The following PLCB4 variants were observed in gnomAD, a reference collection of about 807,000 sequenced individuals.
PLCB4 encodes the protein phospholipase C beta 4.
In PLCB4, 77 loss-of-function variants were observed where a neutral mutation model predicts 178.8. The ratio of observed to expected loss-of-function variants is 0.43; its 90% CI spans 0.36 to 0.52. The LOEUF (loss-of-function observed/expected upper bound fraction) is 0.52. Ranked by LOEUF, PLCB4 falls within the 20% of genes least tolerant of loss-of-function variation. The probability of loss-of-function intolerance (pLI) is 0.00; values close to 1 mark genes in which losing one functional copy is unlikely to be tolerated. For synonymous variants in PLCB4, 496 were observed against 490.8 expected (o/e 1.01, Z -0.14); for missense variants, 1,024 against 1,453.4 (o/e 0.70, Z 4.80).
chr20:9,348,375 C>T (rs576885366), intron 7 of PLCB4, among the ~76,000 whole-genome samples: 2 of 152,280 alleles, frequency 1.3e-5, no homozygotes, highest in Admixed American at 6.5e-5. Flanking sequence ...GATTCTGATT[C>T]TGATTAACTG....
intron 4 of PLCB4, among the ~76,000 whole-genome samples, chr20:9,328,058 T>C (rs973056833): frequency 1.3e-5 from 2 of 152,152 alleles, no homozygotes; most frequent in African/African-American, 4.8e-5. Flanking sequence ...GAAGCTGTAA[T>C]GTGAAATATG....
intron 2 of PLCB4, among the ~76,000 whole-genome samples, chr20:9,208,135 A>G (rs374250226): frequency 7.9e-5 from 12 of 152,198 alleles, no homozygotes; most frequent in Non-Finnish European, 1.8e-4. Flanking sequence ...ATACTGTGGA[A>G]GCACAGATGG....
intron 3 of PLCB4, among the ~76,000 whole-genome samples, chr20:9,260,014 G>A (rs955618772): frequency 6.6e-6 from 1 of 152,018 alleles, no homozygotes; most frequent in Non-Finnish European, 1.5e-5. Context: ...TAGAGATTTG[G>A]AGGTACATTT....
At chr20:9,349,994 T>C (rs1482713849) in intron 7 of PLCB4, among the ~76,000 whole-genome samples, 4 of 152,186 alleles carry the variant, frequency 2.6e-5, no homozygotes, top group African/African-American at 9.6e-5. Flanking sequence ...GAGACTTTGT[T>C]GCCTCCAAGC....
chr20:9,476,758 G>C lies in PLCB4; in HGVS notation c.3532+5G>C. On this transcript the variant is annotated splice_donor_5th_base_variant and intron_variant, in intron 39 of 39. Coordinates refer to ENST00000378473, the MANE Select transcript of PLCB4 (RefSeq NM_001377142.1). ...ATGCAGTGTCCCAAACGCAAGGTAGGACCGAAACTCTGATAAGCAAGACGT... is the reference window on the plus strand; with the variant it reads ...ATGCAGTGTCCCAAACGCAAGGTAGCACCGAAACTCTGATAAGCAAGACGT... 6.2e-7 allele frequency: 1 copy of C among 1,602,946 alleles called. No individual in the cohort carries two copies. Among genetic ancestry groups the C allele is most frequent in the African/African-American group, 1.3e-5 (1 of 74,804 alleles).
chr20:9,341,998 A>T (rs192346536), intron 7 of PLCB4, among the ~76,000 whole-genome samples: 16 of 152,292 alleles, frequency 1.1e-4, no homozygotes, highest in Admixed American at 1.0e-3. Context: ...CTCATTGTCC[A>T]AACTGGACAG....
chr20:9,449,209 G>A (rs2042598835), intron 32 of PLCB4, among the ~76,000 whole-genome samples: 1 of 152,102 alleles, frequency 6.6e-6, no homozygotes, highest in African/African-American at 2.4e-5. Flanking sequence ...ATGACTCATT[G>A]GGATCCAGAG....
chr20:9,158,251 A>G (rs1032352481), intron 2 of PLCB4, among the ~76,000 whole-genome samples: 2 of 151,758 alleles, frequency 1.3e-5, no homozygotes, highest in Admixed American at 6.6e-5. Context: ...TTTTACTTCT[A>G]TTATTATTTA....
intron 7 of PLCB4, among the ~76,000 whole-genome samples, chr20:9,361,053 A>C (rs1280454428): frequency 6.6e-6 from 1 of 152,234 alleles, no homozygotes; most frequent in East Asian, 1.9e-4. Context: ...CCCTTGTTGC[A>C]TTTGCAGTCC....
intron 2 of PLCB4, among the ~76,000 whole-genome samples, chr20:9,154,416 T>C (rs543702798): frequency 1.5e-3 from 226 of 152,274 alleles, no homozygotes; most frequent in African/African-American, 5.3e-3. Flanking sequence ...ACATTTGGGA[T>C]TGGAATACTA....
chr20:9,204,051 T>A (rs2093585552), intron 2 of PLCB4, among the ~76,000 whole-genome samples: 1 of 151,948 alleles, frequency 6.6e-6, no homozygotes, highest in South Asian at 2.1e-4. Context: ...GTTGCGTGGC[T>A]CTGAACAGGA....
chr20:9,404,652 C>G (rs1197197567), intron 20 of PLCB4, among the ~76,000 whole-genome samples: 1 of 150,652 alleles, frequency 6.6e-6, no homozygotes, highest in East Asian at 1.9e-4. Flanking sequence ...TCAATATTGT[C>G]TTAGTGTCTT....
At chr20:9,237,748 AAC>A (rs1483265361) in intron 3 of PLCB4, among the ~76,000 whole-genome samples, 3 of 152,232 alleles carry the variant, frequency 2.0e-5, no homozygotes, top group Non-Finnish European at 4.4e-5. Context: ...TGCTGAACTA[AAC>A]ACAGTTAGAC....
chr20:9,185,766 G>T (rs528339137), intron 2 of PLCB4, among the ~76,000 whole-genome samples: 2 of 152,178 alleles, frequency 1.3e-5, no homozygotes, highest in East Asian at 3.9e-4. Context: ...TGGCTTCCTC[G>T]CTGCTCTGCT....
intron 3 of PLCB4, among the ~76,000 whole-genome samples, chr20:9,260,479 C>T (rs935760621): frequency 1.3e-5 from 2 of 151,938 alleles, no homozygotes; most frequent in Non-Finnish European, 2.9e-5. Context: ...GAAATGTATT[C>T]TGTATGTTTT....
intron 2 of PLCB4, among the ~76,000 whole-genome samples, chr20:9,111,564 C>T (rs1057310815): frequency 1.3e-5 from 2 of 152,114 alleles, no homozygotes; most frequent in Admixed American, 6.6e-5. Flanking sequence ...TGAAATGTTT[C>T]CATCTTCCAC....
chr20:9,314,677 A>G (rs2094878433), intron 4 of PLCB4, among the ~76,000 whole-genome samples: 1 of 152,180 alleles, frequency 6.6e-6, no homozygotes, highest in South Asian at 2.1e-4. Flanking sequence ...TACATTGAAT[A>G]GAAAGGGAAG....
intron 3 of PLCB4, among the ~76,000 whole-genome samples, chr20:9,256,883 C>G (rs545642636): frequency 6.6e-6 from 1 of 152,198 alleles, no homozygotes; most frequent in East Asian, 1.9e-4. Flanking sequence ...ACATGTGACT[C>G]TAGTATGCTG....
At chr20:9,468,959 C>G (rs1203469127) in intron 36 of PLCB4, among the ~76,000 whole-genome samples, 2 of 150,850 alleles carry the variant, frequency 1.3e-5, no homozygotes, top group African/African-American at 4.9e-5. Context: ...TAATATAATT[C>G]TTTTTTTTAT....
Sources: allele counts gnomAD v4.1 joint callset (sites outside exome capture counted in the v4.1 genomes callset), GRCh38; gene constraint gnomAD v4.1.1; transcripts MANE v1.5; gene names NCBI Gene and HGNC (gene_info 2026-07-23, HGNC 2026-07-21).